TERF2: variants seen among roughly 807,000 people sequenced by gnomAD.
TERF2 encodes the protein telomeric repeat-binding factor 2.
A neutral mutation model predicts 56.1 loss-of-function variants in TERF2; 16 were observed. The ratio of observed to expected loss-of-function variants is 0.29; its 90% CI spans 0.19 to 0.43. The LOEUF is 0.43. Among genes scored for constraint, TERF2 ranks in the 20% least tolerant of loss-of-function variants. The pLI is 1.00. For synonymous variants in TERF2, 296 were observed against 282.1 expected, an observed-to-expected ratio of 1.05 and a Z score of -0.50; for missense variants, 547 against 712.9, an observed-to-expected ratio of 0.77 and a Z score of 2.65.
chr16:69,360,593 C>T (rs1486885592), intron 8 of TERF2, among the ~76,000 whole-genome samples: 4 of 150,566 alleles, frequency 2.7e-5, no homozygotes, highest in Admixed American at 6.6e-5. Flanking sequence ...CTGTAGTCCC[C>T]GATACTCCAG....
chr16:69,383,186 T>C (rs999432165), intron 3 of TERF2, among the ~76,000 whole-genome samples: 2 of 152,114 alleles, frequency 1.3e-5, no homozygotes, highest in African/African-American at 2.4e-5. Flanking sequence ...GCATCCTAAA[T>C]CTGAAAATCC....
At chr16:69,371,700 A>G (rs2013582861) in intron 4 of TERF2, among the ~76,000 whole-genome samples, 1 of 152,054 alleles carries the variant, frequency 6.6e-6, no homozygotes, top group South Asian at 2.1e-4. Context: ...CTGTGAACCC[A>G]GCTACTGGGG....
rs1175364152 is a variant in TERF2 at position 69,368,369 on chromosome 16, T to C, written c.947+7A>G. On this transcript the variant is annotated splice_region_variant and intron_variant, in intron 6 of 9. Transcript: ENST00000254942. Reference sequence around the variant, plus strand: ...TTACCCAAGATCACAAGAGAGCATCTTTTTACCTTGCGGGTTCTCTGGGTG... The same window carrying C: ...TTACCCAAGATCACAAGAGAGCATCCTTTTACCTTGCGGGTTCTCTGGGTG... 13 of 1,612,948 alleles carry C rather than the reference T, an allele frequency of 8.1e-6. No homozygotes were observed. Among genetic ancestry groups the C allele is most frequent in the Non-Finnish European group, 1.1e-5 (13 of 1,179,836 alleles).
chr16:69,363,321 A>T (rs1341349285), intron 7 of TERF2, among the ~76,000 whole-genome samples: 1 of 152,180 alleles, frequency 6.6e-6, no homozygotes, highest in Non-Finnish European at 1.5e-5. Context: ...CAGTCTTCAC[A>T]GGTCACCTTC....
chr16:69,385,490 G>C lies in TERF2; in HGVS notation c.380-4C>G, dbSNP rs2014160621. On this transcript the variant is annotated splice_region_variant and splice_polypyrimidine_tract_variant and intron_variant, in intron 1 of 9. Coordinates refer to ENST00000254942, the MANE Select transcript of TERF2 (RefSeq NM_005652.5). ...CCCAAGGGCCTGACAAGCAAAGCTG[G>C]GAGAGAAGACATCGTTGGCTGGGCG... 1 of 1,613,988 alleles carries C rather than the reference G, an allele frequency of 6.2e-7. No individual in the cohort carries two copies. The highest frequency in any genetic ancestry group is 8.5e-7 in the Non-Finnish European group (1 of 1,179,986).
Position 69,356,422 on chromosome 16 carries a change from T to TCTGCTTCTTAG in TERF2, c.*475_*476insCTAAGAAGCAG, listed in dbSNP as rs1206818302. ...TTGGCTCTGCTTCTTAGCTCCATGA[T>TCTGCTTCTTAG]CTCCAACAGTGATGAAGTGGAAATG... On this transcript the variant is annotated 3_prime_UTR_variant, in exon 10 of 10. Transcript: ENST00000254942. 7.0e-6 allele frequency: 2 copies of TCTGCTTCTTAG among 285,118 alleles called. No individual in the cohort carries two copies. Among genetic ancestry groups the TCTGCTTCTTAG allele is most frequent in the Admixed American group, 4.9e-5 (1 of 20,308 alleles). 17.7% of individuals were successfully genotyped at this position (285,118 alleles called of 1,614,324 possible).
chr16:69,356,923 G>A lies in TERF2; in HGVS notation c.1604C>T (p.Thr535Ile). 6.2e-7 allele frequency: 1 copy of A among 1,613,506 alleles called. No individual in the cohort carries two copies. The change falls in exon 10 of 10, where the codon ACC becomes ATC. Residue 535 changes from threonine (T) to isoleucine (I), a missense_variant. Transcript: ENST00000254942. ...TCAGTTCATGCCAAGTCTTTTCATG[G>A]TCCGCCAGCGATCCTTAATCATCAC... ...TAVMIKDRWR[T>I]MKRLGMN
intron 3 of TERF2, among the ~76,000 whole-genome samples, chr16:69,373,761 A>G (rs1364399253): frequency 6.6e-6 from 1 of 152,168 alleles, no homozygotes. Context: ...TGGGTCTGGG[A>G]GATCGGGGCT....
At chr16:69,372,685 C>T (rs1196226155) in intron 3 of TERF2, among the ~76,000 whole-genome samples, 1 of 152,110 alleles carries the variant, frequency 6.6e-6, no homozygotes, top group Non-Finnish European at 1.5e-5. Flanking sequence ...TTGCTTGAAC[C>T]TGGGACGCAG....
chr16:69,375,645 G>A (rs1407247781), intron 3 of TERF2, among the ~76,000 whole-genome samples: 4 of 152,032 alleles, frequency 2.6e-5, no homozygotes, highest in Non-Finnish European at 5.9e-5. Context: ...TCTTGAGATA[G>A]GGTCTATATC....
At chr16:69,385,088 C>G (rs1420903780) in intron 2 of TERF2, among the ~76,000 whole-genome samples, 2 of 151,954 alleles carry the variant, frequency 1.3e-5, no homozygotes, top group South Asian at 2.1e-4. Context: ...CTGAAAAACT[C>G]TCTACCATGG....
At chr16:69,359,674 G>A (rs1405682534) in intron 8 of TERF2, among the ~76,000 whole-genome samples, 1 of 97,262 alleles carries the variant, frequency 1.0e-5, no homozygotes, top group Non-Finnish European at 1.8e-5. Context: ...AGGCTGGAGT[G>A]CAGTGGTGCA....
intron 2 of TERF2, 152 bp from the exon 3 acceptor site, chr16:69,384,862 T>C (rs912977596): frequency 2.8e-5 from 20 of 704,248 alleles, no homozygotes; most frequent in Non-Finnish European, 3.7e-5. Context: ...CAGGTTGACA[T>C]ACACGATAAG....
At chr16:69,368,039 G>T (rs141705626) in intron 6 of TERF2, among the ~76,000 whole-genome samples, 1 of 152,228 alleles carries the variant, frequency 6.6e-6, no homozygotes, top group South Asian at 2.1e-4. Flanking sequence ...AACTGGTTTT[G>T]GGATTCGACT....
chr16:69,361,645 T>C (rs1407193896), intron 7 of TERF2, among the ~76,000 whole-genome samples, 156 bp from the exon 8 acceptor site: 3 of 152,094 alleles, frequency 2.0e-5, no homozygotes, highest in South Asian at 2.1e-4. Context: ...GCCACTGTCC[T>C]TTCTCCTGGC....
intron 3 of TERF2, 147 bp from the exon 4 acceptor site, chr16:69,372,502 C>A (rs1430736893): frequency 3.9e-6 from 2 of 512,510 alleles, no homozygotes; most frequent in Non-Finnish European, 6.6e-6. Flanking sequence ...GTGGCTCACG[C>A]CTGTAATCCC....
intron 7 of TERF2, chr16:69,365,804 G>C (rs575933509): frequency 1.3e-5 from 2 of 152,554 alleles, no homozygotes; most frequent in East Asian, 3.9e-4. Context: ...GGGATTACAG[G>C]TGTGAGCCAG....
At position 69,357,092 on chromosome 16, in the gene TERF2, TC is replaced by T. The variant is rs1473093329; in HGVS notation, c.1471-37del. 3 of 1,582,892 alleles carry T rather than the reference TC, an allele frequency of 1.9e-6. No homozygotes were observed. In the African/African-American group the frequency reaches 4.1e-5, roughly 22 times the overall value. On this transcript the variant is annotated intron_variant, in intron 9 of 9. Transcript: ENST00000254942. ...AAACCAAAAGATTTATTACCACCTT[TC>T]CTCTCCACTTACTTACATTTTCTCC... is the stretch of plus-strand genomic sequence containing the variant.
intron 5 of TERF2, 62 bp downstream of exon 5, chr16:69,370,421 T>C (rs2013523212): frequency 1.3e-6 from 2 of 1,576,550 alleles, no homozygotes; most frequent in African/African-American, 1.4e-5. Flanking sequence ...ACTTCAGATA[T>C]TCTGATTCCC....
Sources: allele counts gnomAD v4.1 joint callset (sites outside exome capture counted in the v4.1 genomes callset), GRCh38; gene constraint gnomAD v4.1.1; transcripts MANE v1.5; gene names NCBI Gene and HGNC (gene_info 2026-07-23, HGNC 2026-07-21).